The following FAM169A variants were observed in gnomAD, a reference collection of about 807,000 sequenced individuals.
The protein encoded by FAM169A is soluble lamin-associated protein of 75 kDa.
A neutral mutation model predicts 75.7 loss-of-function variants in FAM169A; 24 were observed. That is an observed-to-expected ratio of 0.32 (90% CI 0.23 to 0.45). FAM169A has a LOEUF of 0.45. Among genes scored for constraint, FAM169A ranks in the 20% least tolerant of loss-of-function variants. The pLI is 1.00. For missense variants in FAM169A, 673 were observed against 784.0 expected (o/e 0.86, Z 1.69); for synonymous variants, 271 against 271.0 (o/e 1.00, Z 0.00).
At chr5:74,816,075 C>G (rs1015200129) in intron 5 of FAM169A, among the ~76,000 whole-genome samples, 9 of 152,222 alleles carry the variant, frequency 5.9e-5, no homozygotes, top group Non-Finnish European at 4.4e-5. Flanking sequence ...CAAAAACCCT[C>G]TCTTGGACCC....
At chr5:74,788,264 C>G (rs1745797481) in intron 11 of FAM169A, among the ~76,000 whole-genome samples, 1 of 152,172 alleles carries the variant, frequency 6.6e-6, no homozygotes, top group Non-Finnish European at 1.5e-5. Flanking sequence ...ATCCTGTGGT[C>G]ATTTCCCCAG....
chr5:74,803,543 A>T (rs1746698051), intron 8 of FAM169A, among the ~76,000 whole-genome samples: 2 of 152,312 alleles, frequency 1.3e-5, no homozygotes, highest in South Asian at 4.1e-4. Flanking sequence ...ACACACGTAC[A>T]ACATATGTAG....
intron 6 of FAM169A, among the ~76,000 whole-genome samples, chr5:74,813,500 A>AT (rs1747315734): frequency 6.6e-6 from 1 of 152,004 alleles, no homozygotes; most frequent in African/African-American, 2.4e-5. Context: ...TTAATTGTTT[A>AT]TTTTTAGTAA....
chr5:74,823,241 C>T (rs1212995840), intron 5 of FAM169A, among the ~76,000 whole-genome samples: 1 of 152,154 alleles, frequency 6.6e-6, no homozygotes, highest in Non-Finnish European at 1.5e-5. Flanking sequence ...TTAGTCCCAC[C>T]ACCTTATTCA....
At chr5:74,845,770 C>T (rs1347453966) in intron 1 of FAM169A, among the ~76,000 whole-genome samples, 2 of 152,112 alleles carry the variant, frequency 1.3e-5, no homozygotes, top group Non-Finnish European at 2.9e-5. Flanking sequence ...CTATGAATTT[C>T]AAGAGAGATC....
chr5:74,799,502 C>T (rs931361976), intron 10 of FAM169A: 12 of 1,586,364 alleles, frequency 7.6e-6, no homozygotes, highest in Non-Finnish European at 7.8e-6. Flanking sequence ...AGAGTGTTTT[C>T]TTCCTACATT....
At chr5:74,862,300 C>T (rs1036756524) in intron 1 of FAM169A, among the ~76,000 whole-genome samples, 1 of 152,214 alleles carries the variant, frequency 6.6e-6, no homozygotes, top group African/African-American at 2.4e-5. Context: ...CATCCATTCA[C>T]AATCAGGCCC....
In FAM169A at chr5:74,781,497, T is replaced by G; in HGVS notation, c.1976A>C (p.His659Pro). The G allele has an allele frequency of 6.2e-7, 1 of 1,614,218 alleles. No individual in the cohort carries two copies. The highest frequency in any genetic ancestry group is 8.5e-7 in the Non-Finnish European group (1 of 1,180,016). Residue 659 changes from histidine (H) to proline (P), a missense_variant, in exon 13 of 13, where the codon CAT (histidine) becomes CCT (proline). By Grantham distance (77) the His-to-Pro change is moderately conservative (BLOSUM62 -2). Transcript: ENST00000687041. The part of the protein sequence containing the change: ...RRNLRRKAKG[H>P]KGPAKKKAKL... ...AGCTTTCTTCTTAGCAGGTCCTTTA[T>G]GCCCTTTGGCCTTTCTTCTTAAATT...
intron 8 of FAM169A, among the ~76,000 whole-genome samples, chr5:74,804,241 T>C (rs1462590523): frequency 6.6e-6 from 1 of 152,118 alleles, no homozygotes; most frequent in Non-Finnish European, 1.5e-5. Context: ...TATTTTCTTC[T>C]ATATTATTTT....
chr5:74,865,155 G>A (rs1052629192), intron 1 of FAM169A, among the ~76,000 whole-genome samples: 1 of 152,208 alleles, frequency 6.6e-6, no homozygotes, highest in African/African-American at 2.4e-5. Context: ...TGCTCAGTTC[G>A]TAAGTAGTAA....
intron 10 of FAM169A, among the ~76,000 whole-genome samples, chr5:74,798,242 C>T (rs1746379985): frequency 6.6e-6 from 1 of 152,202 alleles, no homozygotes; most frequent in African/African-American, 2.4e-5. Flanking sequence ...CCTAGGCAGT[C>T]AATCCTTTGA....
chr5:74,827,761 A>G (rs1748112397), intron 5 of FAM169A, among the ~76,000 whole-genome samples: 1 of 151,296 alleles, frequency 6.6e-6, no homozygotes, highest in Admixed American at 6.6e-5. Context: ...CTCCCGGGTT[A>G]AAGCGATTCT....
At chr5:74,823,178 A>G (rs1747848896) in intron 5 of FAM169A, among the ~76,000 whole-genome samples, 2 of 152,212 alleles carry the variant, frequency 1.3e-5, no homozygotes, top group Non-Finnish European at 2.9e-5. Context: ...ACTTCTTTGT[A>G]GGACAATTAA....
chr5:74,849,534 T>C (rs1271172465), intron 1 of FAM169A, among the ~76,000 whole-genome samples: 1 of 152,206 alleles, frequency 6.6e-6, no homozygotes, highest in African/African-American at 2.4e-5. Context: ...ATCCAATTCA[T>C]GATCCTAACT....
intron 4 of FAM169A, 55 bp from the exon 5 acceptor site, chr5:74,834,652 G>A: frequency 7.5e-7 from 1 of 1,331,012 alleles, no homozygotes; most frequent in Non-Finnish European, 9.9e-7. Context: ...TCAATCACAA[G>A]ATGCTATTTA....
chr5:74,833,597 G>A (rs1748426781), intron 5 of FAM169A, among the ~76,000 whole-genome samples: 1 of 152,212 alleles, frequency 6.6e-6, no homozygotes, highest in Admixed American at 6.5e-5. Flanking sequence ...TAGATCAGCA[G>A]TGAATTTGGT....
chr5:74,850,849 T>A (rs1267677425), intron 1 of FAM169A, among the ~76,000 whole-genome samples: 1 of 152,198 alleles, frequency 6.6e-6, no homozygotes, highest in African/African-American at 2.4e-5. Context: ...AATAGAAAAT[T>A]CATAAAACAG....
upstream of FAM169A, chr5:74,866,803 G>T (rs1040541935): frequency 2.3e-5 from 23 of 985,430 alleles, no homozygotes; most frequent in Non-Finnish European, 2.8e-5. Context: ...CCCCGCGTAG[G>T]CCCTCCTGAA....
At position 74,777,854 on chromosome 5, in the gene FAM169A, T is replaced by A. The variant is rs1456960065; in HGVS notation, c.*3606A>T. The stretch of plus-strand genomic sequence containing the variant: ...CTTGCTACTCTGAATAATGTAACAT[T>A]TTTTCTAAGTTCTATAAATATATAC... On this transcript the variant is annotated 3_prime_UTR_variant, in exon 13 of 13. Coordinates refer to ENST00000687041, the MANE Select transcript of FAM169A (RefSeq NM_001376049.1). 1 of 152,058 alleles carries A rather than the reference T, an allele frequency of 6.6e-6. No individual in the cohort carries two copies. Among genetic ancestry groups the A allele is most frequent in the Non-Finnish European group, 1.5e-5 (1 of 67,928 alleles). 9.4% of individuals were successfully genotyped at this position (152,058 alleles called of 1,614,324 possible).
Sources: gnomAD v4.1 joint callset for allele counts (sites outside exome capture counted in the v4.1 genomes callset) on GRCh38, gnomAD v4.1.1 for gene constraint, MANE v1.5 for transcripts, NCBI Gene and HGNC (gene_info 2026-07-23, HGNC 2026-07-21) for gene names.